ADGRL3: variants seen among roughly 807,000 people sequenced by gnomAD.
ADGRL3 encodes adhesion G protein-coupled receptor L3.
ADGRL3 carries 62 observed loss-of-function variants against 153.5 expected under a neutral mutation model. The observed-to-expected ratio is 0.40, with a 90% CI of 0.33 to 0.50. ADGRL3 has a LOEUF of 0.50. Ranked by LOEUF, ADGRL3 falls within the 20% of genes least tolerant of loss-of-function variation. ADGRL3 has a pLI of 0.47. For synonymous variants in ADGRL3, 710 were observed against 672.5 expected (o/e 1.06, Z -0.86); for missense variants, 1,641 against 1,859.4 (o/e 0.88, Z 2.16).
In ADGRL3 at chr4:61,372,558, G is replaced by A. The variant is rs1325152245; in HGVS notation, c.-239-10566G>A. On this transcript the variant is annotated intron_variant, in intron 1 of 26. Coordinates refer to ENST00000683033, the MANE Select transcript of ADGRL3 (RefSeq NM_001387552.1). ...GGCTGCTCGGGGGTCAGGGGTCAGC[G>A]ATCCACTTGAGGAGGCAGTCTGCCC... Among the ~76,000 whole-genome samples, 8 of 152,182 alleles carry A rather than the reference G, an allele frequency of 5.3e-5. No homozygotes were observed. The South Asian group carries it at 1.5e-3, about 28-fold the overall frequency.
intron 4 of ADGRL3, among the ~76,000 whole-genome samples, chr4:61,562,226 G>C (rs748081818): frequency 5.9e-5 from 9 of 152,132 alleles, no homozygotes; most frequent in Non-Finnish European, 1.0e-4. Flanking sequence ...AAGATCCTCT[G>C]AGCCTTTAGT....
intron 15 of ADGRL3, among the ~76,000 whole-genome samples, chr4:61,936,529 A>G (rs1385995429): frequency 2.0e-5 from 3 of 152,134 alleles, no homozygotes; most frequent in Non-Finnish European, 4.4e-5. Context: ...TTGAACTGTA[A>G]ATCAGCTTAG....
chr4:62,030,433 T>C (rs1721380613), intron 22 of ADGRL3, among the ~76,000 whole-genome samples: 1 of 151,600 alleles, frequency 6.6e-6, no homozygotes. Context: ...GATTTGGTCC[T>C]GTTCTCCCAT....
At chr4:61,833,190 C>T (rs1266401909) in intron 9 of ADGRL3, among the ~76,000 whole-genome samples, 2 of 152,078 alleles carry the variant, frequency 1.3e-5, no homozygotes, top group Non-Finnish European at 1.5e-5. Flanking sequence ...AGAAAAAATA[C>T]TGGCTGCATG....
At chr4:61,748,556 C>T (rs756832169) in intron 8 of ADGRL3, among the ~76,000 whole-genome samples, 14 of 152,084 alleles carry the variant, frequency 9.2e-5, no homozygotes, top group Non-Finnish European at 1.6e-4. Flanking sequence ...AATAACGCTG[C>T]ATATCTACAA....
intron 2 of ADGRL3, among the ~76,000 whole-genome samples, chr4:61,487,705 A>G (rs993239368): frequency 3.9e-5 from 6 of 152,074 alleles, no homozygotes; most frequent in African/African-American, 4.8e-5. Flanking sequence ...TTTTAAAAGT[A>G]TAGCTATGTT....
chr4:61,541,868 C>T (rs1266193443), intron 4 of ADGRL3, among the ~76,000 whole-genome samples: 2 of 151,662 alleles, frequency 1.3e-5, no homozygotes, highest in African/African-American at 2.4e-5. Flanking sequence ...CACACACACA[C>T]ACACACACTA....
rs147620614 is a variant in ADGRL3, at chr4:61,793,485, G to A, written c.1400-20324G>A. Among the ~76,000 whole-genome samples the A allele has an allele frequency of 2.2e-4, 34 of 152,132 alleles. No individual in the cohort carries two copies. In the East Asian group the frequency reaches 2.7e-3, roughly 12 times the overall value. On this transcript the variant is annotated intron_variant, in intron 8 of 26. Coordinates refer to ENST00000683033, the MANE Select transcript of ADGRL3 (RefSeq NM_001387552.1). Reference sequence around the variant, plus strand: ...TTATTCACTATCACGAGAACAGCACGAGAAAGACCCACACTATGATTCAGT... The same window carrying A: ...TTATTCACTATCACGAGAACAGCACAAGAAAGACCCACACTATGATTCAGT...
At chr4:61,369,001 G>C (rs1263502818) in intron 1 of ADGRL3, among the ~76,000 whole-genome samples, 1 of 152,126 alleles carries the variant, frequency 6.6e-6, no homozygotes, top group East Asian at 1.9e-4. Context: ...ATTGTGAATG[G>C]GAGTTCACTC....
intron 5 of ADGRL3, among the ~76,000 whole-genome samples, chr4:61,638,828 A>G (rs1270716596): frequency 2.6e-5 from 4 of 152,204 alleles, no homozygotes; most frequent in African/African-American, 7.2e-5. Context: ...ATCTTAAATG[A>G]TGATATTTTG....
At chr4:61,392,212 C>T (rs1008210893) in intron 2 of ADGRL3, among the ~76,000 whole-genome samples, 5 of 151,634 alleles carry the variant, frequency 3.3e-5, no homozygotes, top group African/African-American at 7.3e-5. Context: ...ATATTTTTGT[C>T]TTTTCTTTAT....
At chr4:61,666,161 C>G (rs1028047601) in intron 5 of ADGRL3, among the ~76,000 whole-genome samples, 5 of 152,124 alleles carry the variant, frequency 3.3e-5, no homozygotes, top group Non-Finnish European at 7.4e-5. Context: ...CACATGCACA[C>G]AGTTATTCCT....
intron 5 of ADGRL3, among the ~76,000 whole-genome samples, chr4:61,608,325 G>A (rs1484236884): frequency 1.3e-5 from 2 of 152,174 alleles, no homozygotes; most frequent in Non-Finnish European, 2.9e-5. Flanking sequence ...CAAGTTAACA[G>A]CATAAACACT....
At chr4:61,936,697 GTA>G (rs991212038) in intron 15 of ADGRL3, among the ~76,000 whole-genome samples, 6 of 150,858 alleles carry the variant, frequency 4.0e-5, no homozygotes, top group African/African-American at 9.7e-5. Flanking sequence ...AGATGTGTGT[GTA>G]TATATATATA....
chr4:61,495,924 A>C (rs1459770044), intron 2 of ADGRL3, among the ~76,000 whole-genome samples: 1 of 152,228 alleles, frequency 6.6e-6, no homozygotes, highest in African/African-American at 2.4e-5. Context: ...TTGTATCTAT[A>C]TGCTTACTGT....
At chr4:61,746,737 T>C (rs1012670395) in intron 8 of ADGRL3, among the ~76,000 whole-genome samples, 2 of 152,302 alleles carry the variant, frequency 1.3e-5, no homozygotes, top group South Asian at 2.1e-4. Flanking sequence ...TAGCACTAAA[T>C]GTCCACAAGA....
At chr4:61,646,858 G>T (rs939575659) in intron 5 of ADGRL3, among the ~76,000 whole-genome samples, 1 of 152,198 alleles carries the variant, frequency 6.6e-6, no homozygotes, top group Non-Finnish European at 1.5e-5. Flanking sequence ...GGGCAATGGC[G>T]GGCGCCCCTC....
intron 1 of ADGRL3, among the ~76,000 whole-genome samples, chr4:61,289,537 A>G (rs2094089990): frequency 6.6e-6 from 1 of 152,032 alleles, no homozygotes; most frequent in Admixed American, 6.6e-5. Context: ...CATAGTCATA[A>G]TTTATAATAT....
chr4:61,951,622 T>G (rs2098947606), intron 17 of ADGRL3, among the ~76,000 whole-genome samples: 1 of 152,132 alleles, frequency 6.6e-6, no homozygotes, highest in Admixed American at 6.5e-5. Context: ...TCCCAGTACT[T>G]CGGGAGGCTG....
Sources: allele counts gnomAD v4.1 joint callset (sites outside exome capture counted in the v4.1 genomes callset), GRCh38; gene constraint gnomAD v4.1.1; transcripts MANE v1.5; gene names NCBI Gene and HGNC (gene_info 2026-07-23, HGNC 2026-07-21).